The following CABLES2 variants were observed in gnomAD, a reference collection of about 807,000 sequenced individuals.
CABLES2 encodes the protein CDK5 and ABL1 enzyme substrate 2.
In CABLES2, 35 loss-of-function variants were observed where a neutral mutation model predicts 44.8. That is an observed-to-expected ratio of 0.78 (90% CI 0.60 to 1.04). The LOEUF (loss-of-function observed/expected upper bound fraction) is 1.04, where lower values mean the gene tolerates loss of function less well. CABLES2 is among the 50% of genes least tolerant of loss of function. CABLES2 has a pLI of 0.00. For synonymous variants in CABLES2, 282 were observed against 281.1 expected, an observed-to-expected ratio of 1.00 and a Z score of -0.03; for missense variants, 566 against 615.7, an observed-to-expected ratio of 0.92 and a Z score of 0.85.
chr20:62,394,241 C>T lies in CABLES2; in HGVS notation c.630G>A (p.Lys210=), dbSNP rs1378315512. The change falls in exon 5 of 10, where the codon AAG becomes AAA. Residue 210 remains lysine, a synonymous_variant. Transcript: ENST00000279101. The part of the protein sequence containing the change: ...RISDLRVDSQ[K]QRHPSGGVSV... ...AGACGCCGCCGGACGGGTGCCTCTGCTTCTGGCTGTCCACCCTCAGGTCAC... is the reference window on the plus strand; with the variant it reads ...AGACGCCGCCGGACGGGTGCCTCTGTTTCTGGCTGTCCACCCTCAGGTCAC... The T allele has an allele frequency of 9.9e-6, 16 of 1,613,446 alleles. No homozygotes were observed. The highest frequency in any genetic ancestry group is 1.3e-5 in the Non-Finnish European group (15 of 1,179,992).
intron 1 of CABLES2, among the ~76,000 whole-genome samples, chr20:62,401,868 C>T (rs1988194699): frequency 6.6e-6 from 1 of 152,220 alleles, no homozygotes. Flanking sequence ...CTTCACTCAT[C>T]CTGCGTGCAC....
At position 62,391,990 on chromosome 20, in the gene CABLES2, C is replaced by G. The variant is rs1009598837; in HGVS notation, c.1091+399G>C. ...GAGAGCAGAGGCACACCTGGACGGCCTTGGCGAGCACCCAGCATGCCTGGA... is the reference window on the plus strand; with the variant it reads ...GAGAGCAGAGGCACACCTGGACGGCGTTGGCGAGCACCCAGCATGCCTGGA... On this transcript the variant is annotated intron_variant, in intron 8 of 9. Coordinates refer to ENST00000279101, the MANE Select transcript of CABLES2 (RefSeq NM_031215.3). The surrounding 1 kb of genome is among the most constrained non-coding windows in gnomAD (Gnocchi z 5.7). Among the ~76,000 whole-genome samples, 1 of 152,092 alleles carries G rather than the reference C, an allele frequency of 6.6e-6. No individual in the cohort carries two copies. The highest frequency in any genetic ancestry group is 1.5e-5 in the Non-Finnish European group (1 of 68,010).
chr20:62,398,014 CGGTGGT>C (rs113048661), intron 1 of CABLES2, among the ~76,000 whole-genome samples: 2,926 of 105,834 alleles, frequency 0.028, 215 homozygotes, highest in African/African-American at 0.1. Flanking sequence ...ATGGTTATGG[CGGTGGT>C]GGTGGTGGTG....
At chr20:62,406,688 G>A (rs1196479886) in intron 1 of CABLES2, among the ~76,000 whole-genome samples, 1 of 42,094 alleles carries the variant, frequency 2.4e-5, no homozygotes, top group Non-Finnish European at 4.7e-5. Flanking sequence ...GTTGACAGGG[G>A]CTCAGGTCAC....
At chr20:62,392,193 G>A (rs1455830636) in intron 8 of CABLES2, among the ~76,000 whole-genome samples, 196 bp downstream of exon 8, 1 of 151,480 alleles carries the variant, frequency 6.6e-6, no homozygotes, top group Non-Finnish European at 1.5e-5. Context: ...GCAGTGTGAT[G>A]GGGCCACGGG....
chr20:62,398,322 T>C (rs1569018067), intron 1 of CABLES2, among the ~76,000 whole-genome samples: 2 of 148,028 alleles, frequency 1.4e-5, no homozygotes, highest in African/African-American at 5.1e-5. Flanking sequence ...GTGATGGCAG[T>C]GGTGGTGACG....
intron 1 of CABLES2, among the ~76,000 whole-genome samples, chr20:62,398,071 C>CGGTGGAGGTGGTGGT (rs1988080176): frequency 1.5e-5 from 1 of 68,234 alleles, no homozygotes; most frequent in Non-Finnish European, 2.7e-5. Context: ...GTGGTGGTGA[C>CGGTGGAGGTGGTGGT]GGTGGTGGTG....
chr20:62,396,344 G>A lies in CABLES2; in HGVS notation c.498C>T (p.Asn166=). The stretch of plus-strand genomic sequence containing the variant: ...TGTTCCTGGTGTCGTACTGCCTCAT[G>A]TTCTTGATGAAGTGGGTCTTCTTCA... ...KGLKKTHFIK[N]MRQYDTRNSR... The change falls in exon 3 of 10, where the codon AAC becomes AAT. Residue 166 remains asparagine, a synonymous_variant. Coordinates refer to ENST00000279101, the MANE Select transcript of CABLES2 (RefSeq NM_031215.3). This position sits in a 1 kb window ranked among gnomAD's most constrained non-coding sequence, Gnocchi z 5.7. 6.2e-7 allele frequency: 1 copy of A among 1,613,956 alleles called. No homozygotes were observed. Among genetic ancestry groups the A allele is most frequent in the Non-Finnish European group, 8.5e-7 (1 of 1,179,970 alleles).
chr20:62,390,952 G>T lies in CABLES2; in HGVS notation c.*19C>A. The T allele has an allele frequency of 6.2e-7, 1 of 1,613,438 alleles. No individual in the cohort carries two copies. Among genetic ancestry groups the T allele is most frequent in the South Asian group, 1.1e-5 (1 of 91,084 alleles). On this transcript the variant is annotated 3_prime_UTR_variant, in exon 10 of 10. Coordinates refer to ENST00000279101, the MANE Select transcript of CABLES2 (RefSeq NM_031215.3). ...CGGCAAGTGCACCTCGGTGCCCTGA[G>T]CCTTCTGTGGGGCCTCTGCTAGAAC...
intron 1 of CABLES2, chr20:62,402,151 C>CA (rs1356314915): frequency 6.6e-6 from 1 of 152,246 alleles, no homozygotes; most frequent in Non-Finnish European, 1.5e-5. Flanking sequence ...TCTGCCCCCC[C>CA]AGTCTGCTGA....
intron 1 of CABLES2, chr20:62,403,402 A>G (rs1401649790): frequency 6.6e-6 from 1 of 152,310 alleles, no homozygotes; most frequent in African/African-American, 2.4e-5. Context: ...AAATCACCAC[A>G]TGGAGACACA....
Position 62,389,817 on chromosome 20 carries a change from A to C in CABLES2, c.*1154T>G, listed in dbSNP as rs1987877805. 1 of 152,256 alleles carries C rather than the reference A, an allele frequency of 6.6e-6. No individual in the cohort carries two copies. Among genetic ancestry groups the C allele is most frequent in the Non-Finnish European group, 1.5e-5 (1 of 68,086 alleles). 9.4% of individuals were successfully genotyped at this position (152,256 alleles called of 1,614,324 possible). On this transcript the variant is annotated 3_prime_UTR_variant, in exon 10 of 10. Coordinates refer to ENST00000279101, the MANE Select transcript of CABLES2 (RefSeq NM_031215.3). Reference sequence around the variant, plus strand: ...TCAGACAGACGTGGAAAAACTAGAGATGGGGCCCTGCTGGCCTGCACAGAA... The same window carrying C: ...TCAGACAGACGTGGAAAAACTAGAGCTGGGGCCCTGCTGGCCTGCACAGAA...
intron 3 of CABLES2, among the ~76,000 whole-genome samples, chr20:62,395,563 CTG>C (rs1267566148): frequency 6.6e-6 from 1 of 152,246 alleles, no homozygotes; most frequent in Non-Finnish European, 1.5e-5. Context: ...GCAGAAGCCA[CTG>C]TTTCTCCTCC....
chr20:62,395,165 C>T, intron 3 of CABLES2, 151 bp from the exon 4 acceptor site: 1 of 659,304 alleles, frequency 1.5e-6, no homozygotes, highest in Admixed American at 2.5e-5. Flanking sequence ...GGACTTGAGC[C>T]CAGGAGGCCG....
chr20:62,395,332 G>T (rs1371624984), intron 3 of CABLES2, among the ~76,000 whole-genome samples: 1 of 152,226 alleles, frequency 6.6e-6, no homozygotes, highest in Admixed American at 6.5e-5. Flanking sequence ...GGTAGGGCTG[G>T]CGGCCTCACC....
At chr20:62,401,872 C>CAT (rs1988194773) in intron 1 of CABLES2, among the ~76,000 whole-genome samples, 1 of 152,230 alleles carries the variant, frequency 6.6e-6, no homozygotes, top group Admixed American at 6.5e-5. Flanking sequence ...ACTCATCCTG[C>CAT]GTGCACCAGA....
intron 1 of CABLES2, chr20:62,405,517 C>T (rs1459423886): frequency 6.6e-6 from 1 of 152,332 alleles, no homozygotes; most frequent in East Asian, 1.9e-4. Flanking sequence ...TGGCTACGGC[C>T]AGGAACACTT....
At position 62,407,272 on chromosome 20, in the gene CABLES2, G is replaced by T; in HGVS notation, c.5C>A (p.Ala2Asp). 3.8e-6 allele frequency: 2 copies of T among 526,122 alleles called. No individual in the cohort carries two copies. Among genetic ancestry groups the T allele is most frequent in the Non-Finnish European group, 4.8e-6 (2 of 413,696 alleles). The allele number at this position is 526,122 out of a possible 1,614,324, so 32.6% of individuals were successfully genotyped here. MAAAAAGGAPGP... is the reference protein window; with the variant it reads MDAAAAGGAPGP... ...CGGGGCTCCACCGGCCGCGGCCGCG[G>T]CCATCCTCAGACTGCGCCCGCCGCC... Residue 2 changes from alanine to aspartate, a missense_variant, in exon 1 of 10, where the codon GCC becomes GAC. Physicochemically the swap from Ala to Asp is moderately radical, Grantham distance 126. Coordinates refer to ENST00000279101, the MANE Select transcript of CABLES2 (RefSeq NM_031215.3).
chr20:62,392,923 G>A lies in CABLES2; in HGVS notation c.981C>T (p.Tyr327=), dbSNP rs1987946284. The A allele has an allele frequency of 6.2e-7, 1 of 1,613,568 alleles. No individual in the cohort carries two copies. Among genetic ancestry groups the A allele is most frequent in the Non-Finnish European group, 8.5e-7 (1 of 1,179,666 alleles). ...GGCCCTGGGAGAGGGCACTCACCAT[G>A]TACGACGCAAAGATGAGGACACGTT... ...KHKRVLIFAS[Y]MTTVIEYVKP... is the part of the protein sequence containing the mutation. The change falls in exon 7 of 10, where the codon TAC becomes TAT. Residue 327 remains tyrosine, a synonymous_variant. Transcript: ENST00000279101.
Sources: gnomAD v4.1 joint callset for allele counts (sites outside exome capture counted in the v4.1 genomes callset) on GRCh38, gnomAD v4.1.1 for gene constraint, Gnocchi (gnomAD v3.1) non-coding constraint, MANE v1.5 for transcripts, NCBI Gene and HGNC (gene_info 2026-07-23, HGNC 2026-07-21) for gene names.